Variants in ATRN observed in about 807,000 individuals in gnomAD.
ATRN encodes the protein attractin.
In ATRN, 54 loss-of-function variants were observed where a neutral mutation model predicts 178.7. That is an observed-to-expected ratio of 0.30 (90% CI 0.24 to 0.38). The LOEUF (loss-of-function observed/expected upper bound fraction) is 0.38, where lower values mean the gene tolerates loss of function less well. Ranked by LOEUF, ATRN falls within the 10% of genes least tolerant of loss-of-function variation. The probability of loss-of-function intolerance (pLI) is 1.00; values close to 1 mark genes in which losing one functional copy is unlikely to be tolerated. For synonymous variants in ATRN, 636 were observed against 663.0 expected, an observed-to-expected ratio of 0.96 and a Z score of 0.63; for missense variants, 1,443 against 1,815.1, an observed-to-expected ratio of 0.79 and a Z score of 3.73.
Position 3,572,799 on chromosome 20 carries a change from A to G in ATRN, c.1940A>G (p.Gln647Arg), listed in dbSNP as rs764833725. ...LSDILVFTSEQCDAHRSEAAC... is the reference protein window; with the variant it reads ...LSDILVFTSERCDAHRSEAAC... ...GACATCCTGGTATTCACCTCGGAAC[A>G]GTGTGATGCGCATCGGAGTGAAGCC... Residue 647 changes from glutamine (Q) to arginine (R), a missense_variant, in exon 12 of 29, where the codon CAG (glutamine) becomes CGG (arginine). Gln to Arg is a conservative substitution (Grantham distance 43). Coordinates refer to ENST00000262919, the MANE Select transcript of ATRN (RefSeq NM_139321.3). The G allele has an allele frequency of 6.2e-7, 1 of 1,614,022 alleles. No individual in the cohort carries two copies. The highest frequency in any genetic ancestry group is 1.1e-5 in the South Asian group (1 of 91,058).
At chr20:3,542,306 C>T (rs1488016453) in intron 3 of ATRN, among the ~76,000 whole-genome samples, 1 of 152,106 alleles carries the variant, frequency 6.6e-6, no homozygotes, top group East Asian at 1.9e-4. Flanking sequence ...TGTTGTATGC[C>T]AGGCACTTTG....
chr20:3,640,471 A>G (rs901857929), intron 27 of ATRN, among the ~76,000 whole-genome samples: 22 of 152,252 alleles, frequency 1.4e-4, no homozygotes, highest in African/African-American at 5.3e-4. Flanking sequence ...GAAAACATGA[A>G]TATACAGATT....
chr20:3,572,347 T>C (rs1280974727), intron 11 of ATRN, among the ~76,000 whole-genome samples: 1 of 152,228 alleles, frequency 6.6e-6, no homozygotes, highest in African/African-American at 2.4e-5. Context: ...AACTTTTTAA[T>C]ACAGTAGCTA....
At chr20:3,538,821 C>T (rs1347399103) in intron 2 of ATRN, among the ~76,000 whole-genome samples, 1 of 152,146 alleles carries the variant, frequency 6.6e-6, no homozygotes, top group African/African-American at 2.4e-5. Context: ...TGCCCACCTC[C>T]CACTTCTCAT....
At chr20:3,479,837 A>G (rs1452254575) in intron 1 of ATRN, among the ~76,000 whole-genome samples, 1 of 152,056 alleles carries the variant, frequency 6.6e-6, no homozygotes, top group Non-Finnish European at 1.5e-5. Context: ...CGTCCCTTCA[A>G]TCTCATGTGA....
intron 24 of ATRN, among the ~76,000 whole-genome samples, chr20:3,610,996 T>C (rs548971785): frequency 6.6e-6 from 1 of 152,264 alleles, no homozygotes; most frequent in Admixed American, 6.5e-5. Context: ...CATAGGCAAC[T>C]AAAGGAATCT....
intron 3 of ATRN, 113 bp from the exon 4 acceptor site, chr20:3,545,649 C>T: frequency 7.2e-7 from 1 of 1,379,338 alleles, no homozygotes; most frequent in Non-Finnish European, 9.8e-7. Flanking sequence ...TGCCTGTCTT[C>T]CTGGATGTGG....
Position 3,604,112 on chromosome 20 carries a change from C to T in ATRN, c.3651C>T (p.Thr1217=). Residue 1217 remains threonine, a synonymous_variant, in exon 24 of 29, where the codon ACC becomes ACT. Transcript: ENST00000262919. The part of the protein sequence containing the change: ...ITWAASFSAG[T]QAGEEMPVVS... ...ATGTTTTTCTTTTAACAGCTGGAAC[C>T]CAGGCTGGAGAAGAGATGCCTGTTG... The T allele has an allele frequency of 6.3e-7, 1 of 1,582,356 alleles. No homozygotes were observed. The highest frequency in any genetic ancestry group is 8.5e-7 in the Non-Finnish European group (1 of 1,169,800).
chr20:3,489,401 C>T, intron 1 of ATRN: 1 of 630,638 alleles, frequency 1.6e-6, no homozygotes, highest in South Asian at 1.9e-5. Flanking sequence ...CTTGTTTCTA[C>T]AGGATGCATG....
At chr20:3,498,722 TATC>T (rs1409934394) in intron 1 of ATRN, among the ~76,000 whole-genome samples, 1 of 151,912 alleles carries the variant, frequency 6.6e-6, no homozygotes, top group African/African-American at 2.4e-5. Flanking sequence ...CCACAGCTAA[TATC>T]ATACTGAATA....
chr20:3,544,734 C>G (rs913348828), intron 3 of ATRN, among the ~76,000 whole-genome samples: 1 of 151,836 alleles, frequency 6.6e-6, no homozygotes, highest in Non-Finnish European at 1.5e-5. Context: ...TGTATTGATA[C>G]GATTTCAAAT....
At position 3,506,703 on chromosome 20, in the gene ATRN, G is replaced by GACAC. The variant is rs199888321; in HGVS notation, c.411-28536_411-28533dup. ...AACAGACCAGAAAAGGCCATTAGTG[G>GACAC]ACACACACACACACACATACACAAG... On this transcript the variant is annotated intron_variant, in intron 1 of 28. Transcript: ENST00000262919. Among the ~76,000 whole-genome samples the GACAC allele has an allele frequency of 3.7e-3, 556 of 149,030 alleles. 2 individuals carry two copies. The highest frequency in any genetic ancestry group is 0.011 in the Middle Eastern group (3 of 282).
chr20:3,591,377 A>G (rs2086440043), intron 19 of ATRN, 71 bp downstream of exon 19: 1 of 1,511,462 alleles, frequency 6.6e-7, no homozygotes, highest in South Asian at 1.3e-5. Context: ...TGACTTGAAT[A>G]TCTAGGAGGA....
At chr20:3,579,724 T>G (rs536208942) in intron 15 of ATRN, among the ~76,000 whole-genome samples, 1 of 152,290 alleles carries the variant, frequency 6.6e-6, no homozygotes, top group South Asian at 2.1e-4. Context: ...TTAAGTAGAC[T>G]CATAGAACAA....
At chr20:3,489,510 T>C in intron 1 of ATRN, 1 of 1,313,500 alleles carries the variant, frequency 7.6e-7, no homozygotes, top group Non-Finnish European at 1.1e-6. Flanking sequence ...GCCCAAAAGC[T>C]GAGCTACATC....
chr20:3,594,402 C>G (rs2086494613), intron 19 of ATRN, 77 bp from the exon 20 acceptor site: 9 of 1,201,130 alleles, frequency 7.5e-6, no homozygotes, highest in South Asian at 3.3e-5. Context: ...GATAAAATTG[C>G]TTGTTTTGGA....
chr20:3,553,101 A>G (rs1203489498), intron 6 of ATRN, among the ~76,000 whole-genome samples: 1 of 152,178 alleles, frequency 6.6e-6, no homozygotes, highest in East Asian at 1.9e-4. Context: ...GATAGGTCAT[A>G]TCTTGTTAGC....
chr20:3,528,239 G>T (rs905726212), intron 1 of ATRN, among the ~76,000 whole-genome samples: 1 of 151,848 alleles, frequency 6.6e-6, no homozygotes, highest in Non-Finnish European at 1.5e-5. Context: ...ATGGTGGTGG[G>T]CGCCTGTAAT....
At chr20:3,519,006 TAA>T (rs577864057) in intron 1 of ATRN, among the ~76,000 whole-genome samples, 7 of 119,470 alleles carry the variant, frequency 5.9e-5, no homozygotes, top group Admixed American at 1.8e-4. Flanking sequence ...TCCTTATATA[TAA>T]AAAAAAAAAA....
Sources: allele counts gnomAD v4.1 joint callset (sites outside exome capture counted in the v4.1 genomes callset), GRCh38; gene constraint gnomAD v4.1.1; transcripts MANE v1.5; gene names NCBI Gene and HGNC (gene_info 2026-07-23, HGNC 2026-07-21).